Variants in CNTN4 observed in about 807,000 individuals in gnomAD.
The protein encoded by CNTN4 is contactin-4.
Under a neutral mutation model 122.5 loss-of-function variants are expected in CNTN4, and 77 were observed. The observed-to-expected ratio is 0.63, with a 90% CI of 0.52 to 0.76. The LOEUF is 0.76. Among genes scored for constraint, CNTN4 ranks in the 30% least tolerant of loss-of-function variants. The pLI is 0.00. For missense variants in CNTN4, 1,256 were observed against 1,259.1 expected (o/e 1.00, Z 0.04); for synonymous variants, 512 against 447.0 (o/e 1.15, Z -1.83).
intron 3 of CNTN4, among the ~76,000 whole-genome samples, chr3:2,513,047 T>C (rs1409848107): frequency 6.6e-6 from 1 of 152,142 alleles, no homozygotes; most frequent in Non-Finnish European, 1.5e-5. Context: ...ACAGAATGCT[T>C]AACATCTGGT....
chr3:2,249,367 A>C (rs1217147814), intron 2 of CNTN4, among the ~76,000 whole-genome samples: 3 of 151,982 alleles, frequency 2.0e-5, no homozygotes, highest in Non-Finnish European at 4.4e-5. Context: ...AGAGATTAAA[A>C]TAATCTTCCG....
At chr3:2,986,249 C>G (rs1008596843) in intron 13 of CNTN4, among the ~76,000 whole-genome samples, 2 of 152,172 alleles carry the variant, frequency 1.3e-5, no homozygotes, top group African/African-American at 2.4e-5. Context: ...AAGAGAACCA[C>G]TGCCTAGTAA....
At chr3:2,913,186 CAAAT>C (rs938581562) in intron 12 of CNTN4, among the ~76,000 whole-genome samples, 5 of 151,956 alleles carry the variant, frequency 3.3e-5, no homozygotes, top group African/African-American at 7.3e-5. Flanking sequence ...AAAATTAAAA[CAAAT>C]AAAAATCGAG....
chr3:2,922,807 T>G (rs1306814313), intron 12 of CNTN4, among the ~76,000 whole-genome samples: 1 of 151,926 alleles, frequency 6.6e-6, no homozygotes, highest in Non-Finnish European at 1.5e-5. Flanking sequence ...GACGGGGTTT[T>G]GCCATGTTGG....
rs532793609 is a variant in CNTN4 at position 2,391,308 on chromosome 3, G to C, written c.-89+52075G>C. ...GTGTGTGCTGATTTTAAACTCATTT[G>C]ACATCCTGTTCTCTGATTAAATCCA... On this transcript the variant is annotated intron_variant, in intron 3 of 24. Coordinates refer to ENST00000418658, the MANE Select transcript of CNTN4 (RefSeq NM_175607.3). Among the ~76,000 whole-genome samples the C allele has an allele frequency of 5.9e-5, 9 of 152,248 alleles. No individual in the cohort carries two copies. The South Asian group carries it at 1.4e-3, about 25-fold the overall frequency.
intron 4 of CNTN4, among the ~76,000 whole-genome samples, chr3:2,582,080 C>G (rs1222426759): frequency 4.6e-5 from 7 of 152,158 alleles, no homozygotes; most frequent in Non-Finnish European, 1.0e-4. Flanking sequence ...CGGTGATGGT[C>G]ACTCAACCTC....
chr3:2,512,780 C>G (rs921806764), intron 3 of CNTN4, among the ~76,000 whole-genome samples: 4 of 152,158 alleles, frequency 2.6e-5, no homozygotes. Context: ...GAGCTTGAGA[C>G]CATGGAGCCT....
chr3:2,390,250 G>GTGTT (rs2046395942), intron 3 of CNTN4, among the ~76,000 whole-genome samples: 1 of 150,652 alleles, frequency 6.6e-6, no homozygotes, highest in Non-Finnish European at 1.5e-5. Context: ...GTGTGTGTGT[G>GTGTT]TACAGAGGGC....
intron 4 of CNTN4, among the ~76,000 whole-genome samples, chr3:2,634,357 T>G (rs910794957): frequency 6.6e-6 from 1 of 152,200 alleles, no homozygotes; most frequent in Non-Finnish European, 1.5e-5. Context: ...TGCGGCAATA[T>G]TTGTTTAATA....
In CNTN4 at chr3:2,293,577, G is replaced by A. The variant is rs570062705; in HGVS notation, c.-144-45601G>A. ...CAGCACCTGTTTCATAAGATTTTGTGATACTAAATGAGTCAATAGGTTTCT... is the reference window on the plus strand; with the variant it reads ...CAGCACCTGTTTCATAAGATTTTGTAATACTAAATGAGTCAATAGGTTTCT... On this transcript the variant is annotated intron_variant, in intron 2 of 24. Coordinates refer to ENST00000418658, the MANE Select transcript of CNTN4 (RefSeq NM_175607.3). 2.0e-5 allele frequency among the ~76,000 whole-genome samples: 3 copies of A among 152,240 alleles called. No homozygotes were observed. The South Asian group carries it at 6.2e-4, about 32-fold the overall frequency.
At chr3:2,265,328 A>G (rs6789171) in intron 2 of CNTN4, among the ~76,000 whole-genome samples, 38 of 152,106 alleles carry the variant, frequency 2.5e-4, no homozygotes, top group Admixed American at 5.9e-4. Flanking sequence ...TTTAAATGAG[A>G]CTACATGCTT....
At chr3:2,702,555 T>C (rs116483008) in intron 4 of CNTN4, among the ~76,000 whole-genome samples, 1 of 152,204 alleles carries the variant, frequency 6.6e-6, no homozygotes, top group Non-Finnish European at 1.5e-5. Context: ...TTAGGCAAAA[T>C]TTAAAACAGC....
intron 2 of CNTN4, among the ~76,000 whole-genome samples, chr3:2,164,671 T>A (rs1203111107): frequency 1.3e-5 from 2 of 152,176 alleles, no homozygotes; most frequent in Admixed American, 1.3e-4. Context: ...AATTTGACTA[T>A]TATCCAGTTT....
At chr3:2,581,664 A>G (rs577487596) in intron 4 of CNTN4, among the ~76,000 whole-genome samples, 94 of 152,334 alleles carry the variant, frequency 6.2e-4, no homozygotes, top group African/African-American at 2.1e-3. Flanking sequence ...GAGAACCTGC[A>G]AATTGCATTG....
chr3:2,349,306 G>A (rs913705630), intron 3 of CNTN4, among the ~76,000 whole-genome samples: 1 of 151,962 alleles, frequency 6.6e-6, no homozygotes, highest in Non-Finnish European at 1.5e-5. Context: ...AAGTAAATTA[G>A]GGTACATTTT....
chr3:3,053,779 G>A, intron 23 of CNTN4, 28 bp from the exon 24 acceptor site: 1 of 1,613,148 alleles, frequency 6.2e-7, no homozygotes, highest in Non-Finnish European at 8.5e-7. Flanking sequence ...AAGACGGCAG[G>A]TGACACCTGT....
At chr3:2,916,127 A>C (rs1186076221) in intron 12 of CNTN4, among the ~76,000 whole-genome samples, 2 of 152,186 alleles carry the variant, frequency 1.3e-5, no homozygotes, top group Admixed American at 1.3e-4. Context: ...TATAGTTAAT[A>C]CTACTGTACT....
chr3:2,821,292 C>T (rs1032039341), intron 7 of CNTN4, among the ~76,000 whole-genome samples: 1 of 152,106 alleles, frequency 6.6e-6, no homozygotes, highest in Non-Finnish European at 1.5e-5. Flanking sequence ...CAATCTAAAG[C>T]TAGCACAGCT....
intron 3 of CNTN4, among the ~76,000 whole-genome samples, chr3:2,541,310 A>G (rs1301729171): frequency 6.6e-6 from 1 of 152,124 alleles, no homozygotes; most frequent in Non-Finnish European, 1.5e-5. Flanking sequence ...AGGTGAGGCT[A>G]TAAAAAATAG....
Sources: gnomAD v4.1 joint callset for allele counts (sites outside exome capture counted in the v4.1 genomes callset) on GRCh38, gnomAD v4.1.1 for gene constraint, MANE v1.5 for transcripts, NCBI Gene and HGNC (gene_info 2026-07-23, HGNC 2026-07-21) for gene names.